Variants in PITPNB observed in about 807,000 individuals in gnomAD.
PITPNB encodes the protein phosphatidylinositol transfer protein beta, also known as phosphatidylinositol transfer protein beta isoform.
A neutral mutation model predicts 45.9 loss-of-function variants in PITPNB; 16 were observed. That is an observed-to-expected ratio of 0.35 (90% CI 0.24 to 0.53). PITPNB has a LOEUF of 0.53. Ranked by LOEUF, PITPNB falls within the 20% of genes least tolerant of loss-of-function variation. The pLI, the probability that PITPNB is intolerant of heterozygous loss-of-function variation, is 0.93. For synonymous variants in PITPNB, 112 were observed against 108.9 expected (o/e 1.03, Z -0.18); for missense variants, 188 against 330.5 (o/e 0.57, Z 3.34).
At chr22:27,880,709 G>A (rs985809406) in intron 7 of PITPNB, among the ~76,000 whole-genome samples, 58 of 151,438 alleles carry the variant, frequency 3.8e-4, no homozygotes, top group African/African-American at 1.3e-3. Flanking sequence ...TACAACCTCC[G>A]CCTCCCAGGT....
intron 3 of PITPNB, 160 bp from the exon 4 acceptor site, chr22:27,898,052 C>A: frequency 3.4e-6 from 2 of 591,162 alleles, no homozygotes; most frequent in South Asian, 4.1e-5. Context: ...GAAATGAACA[C>A]ATAATTTTTT....
At chr22:27,918,939 C>G (rs1467274851) in intron 1 of PITPNB, among the ~76,000 whole-genome samples, 3 of 151,934 alleles carry the variant, frequency 2.0e-5, no homozygotes, top group Non-Finnish European at 4.4e-5. Flanking sequence ...GGCCGGGACC[C>G]AGCCGCCTTC....
intron 3 of PITPNB, among the ~76,000 whole-genome samples, chr22:27,905,071 T>C (rs760018243): frequency 4.6e-5 from 7 of 152,214 alleles, no homozygotes; most frequent in African/African-American, 7.2e-5. Flanking sequence ...CTACATATAA[T>C]GACAAATAAC....
intron 9 of PITPNB, among the ~76,000 whole-genome samples, chr22:27,858,939 A>G (rs1170238307): frequency 6.6e-6 from 1 of 152,244 alleles, no homozygotes; most frequent in Non-Finnish European, 1.5e-5. Flanking sequence ...TTGAAAGAAA[A>G]GAGTCCTGGG....
chr22:27,889,223 T>C (rs533018028), intron 7 of PITPNB, among the ~76,000 whole-genome samples: 1 of 152,294 alleles, frequency 6.6e-6, no homozygotes, highest in South Asian at 2.1e-4. Context: ...ACAGTCTAAA[T>C]GCAAGGAGGC....
chr22:27,870,981 C>G (rs1934642448), intron 8 of PITPNB, among the ~76,000 whole-genome samples: 1 of 152,086 alleles, frequency 6.6e-6, no homozygotes, highest in Admixed American at 6.6e-5. Flanking sequence ...ATAAAATGAA[C>G]AATCAACAGG....
intron 3 of PITPNB, among the ~76,000 whole-genome samples, chr22:27,910,125 T>C (rs1315825244): frequency 6.6e-6 from 1 of 151,962 alleles, no homozygotes; most frequent in Non-Finnish European, 1.5e-5. Flanking sequence ...CTAATTTTTG[T>C]ATTTTTAGTA....
chr22:27,911,313 C>T (rs770288723), intron 2 of PITPNB, among the ~76,000 whole-genome samples: 2 of 152,142 alleles, frequency 1.3e-5, no homozygotes, highest in Non-Finnish European at 2.9e-5. Flanking sequence ...GTTTTAAAAA[C>T]CTGTATTTTA....
chr22:27,913,494 T>C (rs1318359009), intron 2 of PITPNB, among the ~76,000 whole-genome samples: 1 of 152,238 alleles, frequency 6.6e-6, no homozygotes, highest in Non-Finnish European at 1.5e-5. Context: ...CAGAAGCTGT[T>C]TCTGCTCTTA....
intron 7 of PITPNB, among the ~76,000 whole-genome samples, chr22:27,877,480 C>T (rs1053810145): frequency 2.0e-5 from 3 of 152,120 alleles, no homozygotes; most frequent in African/African-American, 4.8e-5. Flanking sequence ...ACACTGGAGC[C>T]ACAGAATACA....
chr22:27,897,870 T>C lies in PITPNB; in HGVS notation c.220A>G (p.Met74Val). The C allele has an allele frequency of 1.9e-6, 3 of 1,613,540 alleles. No homozygotes were observed. The highest frequency in any genetic ancestry group is 2.5e-6 in the Non-Finnish European group (3 of 1,179,468). ...LKSKVPAFVRMIAPEGSLVFH... is the reference protein window; with the variant it reads ...LKSKVPAFVRVIAPEGSLVFH... ...ACCAAGGAGCCCTCGGGAGCAATCA[T>C]CCTCACGAATGCAGGCACTTTGCTG... Residue 74 changes from methionine (M) to valine (V), a missense_variant, in exon 4 of 12, where the codon ATG becomes GTG. Physicochemically the swap from Met to Val is conservative, Grantham distance 21. Transcript: ENST00000335272.
chr22:27,868,490 T>C (rs1487210957), intron 8 of PITPNB, among the ~76,000 whole-genome samples: 2 of 152,082 alleles, frequency 1.3e-5, no homozygotes, highest in Non-Finnish European at 2.9e-5. Flanking sequence ...CAAATTAACA[T>C]CTCTATAATG....
chr22:27,907,478 T>C (rs1255388003), intron 3 of PITPNB, among the ~76,000 whole-genome samples: 1 of 152,220 alleles, frequency 6.6e-6, no homozygotes, highest in East Asian at 1.9e-4. Context: ...GGCCCTGTTT[T>C]GCCCAGTTTA....
At chr22:27,915,147 G>C (rs1936039913) in intron 1 of PITPNB, among the ~76,000 whole-genome samples, 1 of 152,106 alleles carries the variant, frequency 6.6e-6, no homozygotes, top group Non-Finnish European at 1.5e-5. Context: ...TGAAAACCAA[G>C]AACATCCCTG....
intron 2 of PITPNB, among the ~76,000 whole-genome samples, chr22:27,913,293 G>A (rs955874818): frequency 2.6e-5 from 4 of 152,108 alleles, no homozygotes; most frequent in Non-Finnish European, 5.9e-5. Context: ...TTCACTTCCT[G>A]CATTTCTTTC....
At chr22:27,862,331 A>G (rs1334327984) in intron 8 of PITPNB, among the ~76,000 whole-genome samples, 1 of 152,178 alleles carries the variant, frequency 6.6e-6, no homozygotes, top group Non-Finnish European at 1.5e-5. Flanking sequence ...GTTTTAAGTT[A>G]ATTCTAGGGA....
At chr22:27,909,207 C>CT (rs34224616) in intron 3 of PITPNB, among the ~76,000 whole-genome samples, 13,762 of 81,972 alleles carry the variant, frequency 0.17, 1,510 homozygotes, top group East Asian at 0.33. Flanking sequence ...ACTGGTAGTA[C>CT]TTTTTTTTTT....
chr22:27,918,965 G>A, intron 1 of PITPNB: 1 of 751,554 alleles, frequency 1.3e-6, no homozygotes, highest in Non-Finnish European at 2.3e-6. Context: ...GGGGAAGGGA[G>A]AGGGCGTGTT....
At chr22:27,863,651 G>A (rs943566843) in intron 8 of PITPNB, among the ~76,000 whole-genome samples, 21 of 152,068 alleles carry the variant, frequency 1.4e-4, no homozygotes, top group African/African-American at 4.8e-4. Flanking sequence ...GAAAATCTTG[G>A]GTGTACCTAG....
Sources: allele counts gnomAD v4.1 joint callset (sites outside exome capture counted in the v4.1 genomes callset), GRCh38; gene constraint gnomAD v4.1.1; transcripts MANE v1.5; gene names NCBI Gene and HGNC (gene_info 2026-07-23, HGNC 2026-07-21).